Variants in HTR1F observed in about 807,000 individuals in gnomAD.
HTR1F encodes 5-hydroxytryptamine (serotonin) receptor 1F, G protein-coupled.
HTR1F carries 17 observed loss-of-function variants against 24.0 expected under a neutral mutation model. That is an observed-to-expected ratio of 0.71 (90% CI 0.48 to 1.06). The LOEUF is 1.06. Ranked by LOEUF, HTR1F falls within the 50% of genes least tolerant of loss-of-function variation. HTR1F has a pLI of 0.00. For synonymous variants in HTR1F, 186 were observed against 156.8 expected (o/e 1.19, Z -1.39); for missense variants, 391 against 427.8 (o/e 0.91, Z 0.76).
chr3:87,863,165 C>A (rs913443552), intron 2 of HTR1F, among the ~76,000 whole-genome samples: 5 of 152,120 alleles, frequency 3.3e-5, no homozygotes, highest in African/African-American at 1.2e-4. Flanking sequence ...ATTTTATGAC[C>A]TAATGATCTT....
At chr3:87,816,410 G>A (rs960746070) in intron 1 of HTR1F, among the ~76,000 whole-genome samples, 1 of 151,896 alleles carries the variant, frequency 6.6e-6, no homozygotes, top group Non-Finnish European at 1.5e-5. Flanking sequence ...ACCGGAAGTG[G>A]CAAAAAGCAA....
intron 2 of HTR1F, among the ~76,000 whole-genome samples, chr3:87,834,478 CTTGT>C (rs1257987843): frequency 6.6e-5 from 10 of 151,262 alleles, no homozygotes; most frequent in Admixed American, 1.3e-4. Context: ...TCTGTTTTCA[CTTGT>C]TTGTTTAGGC....
At chr3:87,871,992 G>A (rs946491245) in intron 2 of HTR1F, among the ~76,000 whole-genome samples, 5 of 152,004 alleles carry the variant, frequency 3.3e-5, no homozygotes, top group African/African-American at 4.8e-5. Context: ...CTCCAGGATA[G>A]GTAAGATGTT....
chr3:87,802,842 T>A (rs1278270076), intron 1 of HTR1F, among the ~76,000 whole-genome samples: 1 of 152,160 alleles, frequency 6.6e-6, no homozygotes, highest in Non-Finnish European at 1.5e-5. Flanking sequence ...AAATAATAAG[T>A]CGCAGATTTG....
chr3:87,903,746 A>G (rs1269854646), intron 2 of HTR1F, among the ~76,000 whole-genome samples: 4 of 152,110 alleles, frequency 2.6e-5, no homozygotes, highest in Non-Finnish European at 5.9e-5. Context: ...AACTAGAAAT[A>G]CCATTTGACC....
chr3:87,945,859 C>CGGGGGG (rs150282952), intron 2 of HTR1F, among the ~76,000 whole-genome samples: 5 of 151,878 alleles, frequency 3.3e-5, no homozygotes, highest in African/African-American at 1.2e-4. Context: ...AAAATGTTAC[C>CGGGGGG]GGGGGGGTCC....
intron 2 of HTR1F, among the ~76,000 whole-genome samples, chr3:87,924,039 G>C (rs545010639): frequency 1.1e-4 from 17 of 152,136 alleles, no homozygotes; most frequent in Middle Eastern, 3.4e-3. Flanking sequence ...TCAACTGTTT[G>C]ATTTTTTGAA....
chr3:87,895,118 A>G (rs1028263251), intron 2 of HTR1F, among the ~76,000 whole-genome samples: 10 of 152,200 alleles, frequency 6.6e-5, no homozygotes, highest in African/African-American at 2.4e-4. Context: ...ACAGACTTGA[A>G]GTCACAGATG....
At chr3:87,949,870 T>C (rs1704795229) in intron 2 of HTR1F, among the ~76,000 whole-genome samples, 1 of 152,200 alleles carries the variant, frequency 6.6e-6, no homozygotes, top group Non-Finnish European at 1.5e-5. Flanking sequence ...CTACTTTACG[T>C]TGCTAGAAAG....
In HTR1F at chr3:87,993,400, A is replaced by C. The variant is rs142014021; in HGVS notation, c.*1550A>C. ...AGTCTAAAAGGAGAAACAAGAAAAA[A>C]TAAAACTATAATAGAAAAGAGCAAA... is the stretch of plus-strand genomic sequence containing the variant. On this transcript the variant is annotated 3_prime_UTR_variant, in exon 3 of 3. Transcript: ENST00000319595. 6.0e-6 allele frequency: 1 copy of C among 167,012 alleles called. No individual in the cohort carries two copies. The highest frequency in any genetic ancestry group is 1.5e-5 in the Non-Finnish European group (1 of 68,108). The allele number at this position is 167,012 out of a possible 1,614,324, so 10.3% of individuals were successfully genotyped here. A position where few individuals can be genotyped will look rare whatever the true frequency, so the allele number is the denominator to read the frequency against.
At chr3:87,915,546 C>T (rs1576024707) in intron 2 of HTR1F, among the ~76,000 whole-genome samples, 1 of 152,044 alleles carries the variant, frequency 6.6e-6, no homozygotes, top group South Asian at 2.1e-4. Context: ...GACACACTTA[C>T]AGAAATGCAA....
chr3:87,975,390 A>T (rs1476866092), intron 2 of HTR1F, among the ~76,000 whole-genome samples: 1 of 152,188 alleles, frequency 6.6e-6, no homozygotes, highest in Non-Finnish European at 1.5e-5. Flanking sequence ...TATCAATTTC[A>T]GTATTCTCAA....
chr3:87,795,301 G>A (rs1703886415), intron 1 of HTR1F, among the ~76,000 whole-genome samples: 1 of 152,136 alleles, frequency 6.6e-6, no homozygotes, highest in Non-Finnish European at 1.5e-5. Context: ...TTCTTAATCA[G>A]AAATAAAAGG....
chr3:87,850,362 A>G lies in HTR1F; in HGVS notation c.-43+28238A>G, dbSNP rs1297112057. Among the ~76,000 whole-genome samples, 3 of 151,912 alleles carry G rather than the reference A, an allele frequency of 2.0e-5. 1 individual carries two copies. Among genetic ancestry groups the G allele is most frequent in the African/African-American group, 7.3e-5 (3 of 41,196 alleles). ...TCTCAGCAAACTATCGCAAGGACAA[A>G]AAACCAAACACTGCATGTTCTCACT... is the stretch of plus-strand genomic sequence containing the variant. On this transcript the variant is annotated intron_variant, in intron 2 of 2. Coordinates refer to ENST00000319595, the MANE Select transcript of HTR1F (RefSeq NM_001322209.2).
chr3:87,985,216 T>A (rs1705636554), intron 2 of HTR1F, among the ~76,000 whole-genome samples: 1 of 151,874 alleles, frequency 6.6e-6, no homozygotes, highest in Non-Finnish European at 1.5e-5. Flanking sequence ...ATGCCTGTAA[T>A]CCCAGCTACT....
intron 1 of HTR1F, among the ~76,000 whole-genome samples, chr3:87,802,595 C>T (rs1704012426): frequency 6.6e-6 from 1 of 152,032 alleles, no homozygotes; most frequent in South Asian, 2.1e-4. Context: ...GTCCTCCTGC[C>T]TCAGCACCCC....
intron 2 of HTR1F, among the ~76,000 whole-genome samples, chr3:87,866,819 C>CGTGTGT (rs763994292): frequency 1.0e-5 from 1 of 96,134 alleles, no homozygotes; most frequent in South Asian, 2.8e-4. Context: ...AGTGTGCGTG[C>CGTGTGT]GTGTGTGTGT....
At chr3:87,918,271 A>G (rs1213074476) in intron 2 of HTR1F, among the ~76,000 whole-genome samples, 1 of 151,978 alleles carries the variant, frequency 6.6e-6, no homozygotes, top group Non-Finnish European at 1.5e-5. Context: ...ATATACTGAA[A>G]GAGGAAAAAA....
chr3:87,891,629 C>T (rs777699697), intron 2 of HTR1F, among the ~76,000 whole-genome samples: 8 of 152,110 alleles, frequency 5.3e-5, no homozygotes, highest in Non-Finnish European at 1.0e-4. Flanking sequence ...GCTTATTATC[C>T]AGTTGTCTTC....
Sources: allele counts gnomAD v4.1 joint callset (sites outside exome capture counted in the v4.1 genomes callset), GRCh38; gene constraint gnomAD v4.1.1; transcripts MANE v1.5; gene names NCBI Gene and HGNC (gene_info 2026-07-23, HGNC 2026-07-21).